CAPRIN2: variants seen among roughly 807,000 people sequenced by gnomAD.
The protein encoded by CAPRIN2 is caprin-2.
Under a neutral mutation model 130.4 loss-of-function variants are expected in CAPRIN2, and 66 were observed. The ratio of observed to expected loss-of-function variants is 0.51; its 90% CI spans 0.42 to 0.62. The LOEUF is 0.62. CAPRIN2 is among the 20% of genes least tolerant of loss of function. The pLI is 0.00. For missense variants in CAPRIN2, 1,185 were observed against 1,246.6 expected, an observed-to-expected ratio of 0.95 and a Z score of 0.74; for synonymous variants, 471 against 444.1, an observed-to-expected ratio of 1.06 and a Z score of -0.76.
In CAPRIN2 at chr12:30,728,621, G is replaced by T; in HGVS notation, c.1782+27C>A. The T allele has an allele frequency of 6.5e-7, 1 of 1,535,414 alleles. No homozygotes were observed. Among genetic ancestry groups the T allele is most frequent in the Non-Finnish European group, 8.8e-7 (1 of 1,138,382 alleles). On this transcript the variant is annotated intron_variant, in intron 8 of 16. Coordinates refer to ENST00000298892, the Ensembl canonical transcript of CAPRIN2. ...CACCTTATTTATGCCTACACTTACAGAAGCAGAATGATACAGATCAACTCA... is the reference window on the plus strand; with the variant it reads ...CACCTTATTTATGCCTACACTTACATAAGCAGAATGATACAGATCAACTCA...
intron 3 of CAPRIN2, among the ~76,000 whole-genome samples, chr12:30,738,742 C>T (rs977103270): frequency 1.3e-5 from 2 of 152,046 alleles, no homozygotes; most frequent in Admixed American, 6.6e-5. Context: ...GGGCAAAGGA[C>T]ATGATGAATA....
intron 4 of CAPRIN2, 142 bp from the exon 6 acceptor site, chr12:30,733,853 A>T (rs2063550318): frequency 4.8e-6 from 3 of 630,778 alleles, no homozygotes; most frequent in East Asian, 2.7e-5. Flanking sequence ...AAATAAAAAA[A>T]TTGAAATGTA....
At chr12:30,742,601 T>C (rs931545371) in intron 2 of CAPRIN2, among the ~76,000 whole-genome samples, 1 of 150,736 alleles carries the variant, frequency 6.6e-6, no homozygotes, top group African/African-American at 2.4e-5. Flanking sequence ...CTAAATATAA[T>C]GAGTGAAAAA....
intron 2 of CAPRIN2, among the ~76,000 whole-genome samples, chr12:30,749,193 G>A (rs571784990): frequency 1.6e-4 from 24 of 152,280 alleles, no homozygotes; most frequent in African/African-American, 5.5e-4. Context: ...TGTCTGAGGA[G>A]CAGCAAGGAG....
exon 1 of CAPRIN2, chr12:30,753,435 G>T: frequency 6.2e-7 from 1 of 1,614,130 alleles, no homozygotes; most frequent in South Asian, 1.1e-5. Context: ...AGATGCAGCA[G>T]AACTCAGAGT....
chr12:30,709,632 C>T lies in CAPRIN2; in HGVS notation c.*270G>A, dbSNP rs1387874429. On this transcript the variant is annotated 3_prime_UTR_variant, in exon 17 of 17. Transcript: ENST00000298892. ...GAGGCAGTCAGTTTAGTAAGCTGAA[C>T]GTTAATACAGTTAAGGATTAAGTGC... 3.8e-5 allele frequency: 12 copies of T among 314,868 alleles called. No homozygotes were observed. The East Asian group carries it at 6.1e-4, about 16-fold the overall frequency. 19.5% of individuals were successfully genotyped at this position (314,868 alleles called of 1,614,324 possible).
intron 8 of CAPRIN2, among the ~76,000 whole-genome samples, chr12:30,727,599 T>G (rs2061326000): frequency 6.6e-6 from 1 of 152,172 alleles, no homozygotes; most frequent in Non-Finnish European, 1.5e-5. Flanking sequence ...AGTAAATAAG[T>G]AATTTACAAT....
At chr12:30,722,241 T>C (rs1009979410) in intron 11 of CAPRIN2, among the ~76,000 whole-genome samples, 1 of 152,224 alleles carries the variant, frequency 6.6e-6, no homozygotes, top group East Asian at 1.9e-4. Flanking sequence ...AGGTGGGTTA[T>C]TGGTGAATAA....
chr12:30,731,466 A>G (rs2062653457), exon 6 of CAPRIN2: 2 of 1,613,084 alleles, frequency 1.2e-6, no homozygotes, highest in Non-Finnish European at 1.7e-6. Context: ...CTTTCAAAAT[A>G]GCCTGAGTTC....
Position 30,728,717 on chromosome 12 carries a change from T to C in CAPRIN2, c.1713A>G (p.Gly571=), listed in dbSNP as rs1240992212. 5 of 1,614,006 alleles carry C rather than the reference T, an allele frequency of 3.1e-6. No individual in the cohort carries two copies. The African/African-American group carries it at 6.7e-5, about 22-fold the overall frequency. ...TTGGTATGAGGCTTGCTGTAGCTACTCCCCAGGACTTTGGAGAAATCTGTG... is the reference window on the plus strand; with the variant it reads ...TTGGTATGAGGCTTGCTGTAGCTACCCCCCAGGACTTTGGAGAAATCTGTG... Residue 571 remains glycine (G), a synonymous_variant, in exon 8 of 17, where the codon GGA becomes GGG. Coordinates refer to ENST00000298892, the Ensembl canonical transcript of CAPRIN2.
chr12:30,753,306 A>C (rs2074879239), intron 1 of CAPRIN2, 38 bp downstream of exon 2: 4 of 1,511,106 alleles, frequency 2.6e-6, no homozygotes, highest in Non-Finnish European at 1.8e-6. Context: ...TTAATCTTTA[A>C]GATCATGCAT....
intron 3 of CAPRIN2, among the ~76,000 whole-genome samples, chr12:30,737,171 A>C (rs2065228028): frequency 6.8e-6 from 1 of 146,186 alleles, no homozygotes; most frequent in African/African-American, 2.5e-5. Flanking sequence ...TGCCTGGCTA[A>C]TTTTTTTTTT....
chr12:30,723,409 G>A, intron 10 of CAPRIN2, 95 bp from the exon 12 acceptor site: 1 of 800,910 alleles, frequency 1.2e-6, no homozygotes, highest in South Asian at 1.5e-5. Flanking sequence ...TCACAAAAAA[G>A]ACATTAGCTG....
intron 13 of CAPRIN2, chr12:30,715,478 GA>G: frequency 2.2e-6 from 1 of 461,938 alleles, no homozygotes; most frequent in Non-Finnish European, 4.3e-6. Flanking sequence ...TTCAGAATCA[GA>G]AAGTAGAATG....
At chr12:30,722,813 T>C (rs2059793416) in intron 11 of CAPRIN2, among the ~76,000 whole-genome samples, 1 of 152,062 alleles carries the variant, frequency 6.6e-6, no homozygotes, top group Non-Finnish European at 1.5e-5. Flanking sequence ...GACACAGAAC[T>C]GCTTGAACCC....
rs1246586575 is a variant in CAPRIN2, at chr12:30,750,974, T to C, written c.483+97A>G. 4.6e-6 allele frequency: 4 copies of C among 867,102 alleles called. No homozygotes were observed. In the Admixed American group the frequency reaches 5.4e-5, roughly 12 times the overall value. 53.7% of individuals were successfully genotyped at this position (867,102 alleles called of 1,614,324 possible). Reference sequence around the variant, plus strand: ...GAACAAACTATGGATTTTAACTGTGTGTGTGTGTGCTATAAAGACTGATCG... The same window carrying C: ...GAACAAACTATGGATTTTAACTGTGCGTGTGTGTGCTATAAAGACTGATCG... On this transcript the variant is annotated intron_variant, in intron 2 of 16. Coordinates refer to ENST00000298892, the Ensembl canonical transcript of CAPRIN2.
intron 12 of CAPRIN2, 124 bp downstream of exon 14, chr12:30,718,955 T>C: frequency 2.7e-6 from 3 of 1,113,274 alleles, no homozygotes; most frequent in East Asian, 2.4e-5. Context: ...AATATAATTC[T>C]ACCAACCCAA....
chr12:30,717,112 G>A (rs1490261416), intron 12 of CAPRIN2, among the ~76,000 whole-genome samples: 1 of 152,092 alleles, frequency 6.6e-6, no homozygotes, highest in Non-Finnish European at 1.5e-5. Flanking sequence ...CTGAAAGCAG[G>A]ACTCAAACAG....
In CAPRIN2 at chr12:30,710,324, G is replaced by T. The variant is rs2053865371; in HGVS notation, c.2812C>A (p.His938Asn). ...ATCTGCTGAGGCAGAGGGTAGACGT[G>T]TACTGGCAGTATGGTGGCTGCTGGA... The change falls in exon 17 of 17, where the codon CAC becomes AAC. Residue 938 changes from histidine to asparagine, a missense_variant. Transcript: ENST00000298892. The surrounding 1 kb of genome is among the most constrained non-coding windows in gnomAD (Gnocchi z 4.8). 5.6e-6 allele frequency: 9 copies of T among 1,614,140 alleles called. No individual in the cohort carries two copies. The highest frequency in any genetic ancestry group is 7.6e-6 in the Non-Finnish European group (9 of 1,180,034).
Sources: allele counts gnomAD v4.1 joint callset (sites outside exome capture counted in the v4.1 genomes callset), GRCh38; gene constraint gnomAD v4.1.1; non-coding constraint Gnocchi (gnomAD v3.1); transcripts MANE v1.5; gene names NCBI Gene and HGNC (gene_info 2026-07-23, HGNC 2026-07-21).